MAPK4: variants seen among roughly 807,000 people sequenced by gnomAD.
MAPK4 encodes the protein mitogen-activated protein kinase 4.
In MAPK4, 22 loss-of-function variants were observed where a neutral mutation model predicts 47.7. The observed-to-expected ratio is 0.46, with a 90% CI of 0.33 to 0.66. MAPK4 has a LOEUF of 0.66. Ranked by LOEUF, MAPK4 falls within the 30% of genes least tolerant of loss-of-function variation. The pLI is 0.02. For missense variants in MAPK4, 736 were observed against 831.7 expected (o/e 0.88, Z 1.42); for synonymous variants, 390 against 365.7 (o/e 1.07, Z -0.76).
chr18:50,588,686 C>G (rs1003614617), intron 1 of MAPK4, among the ~76,000 whole-genome samples: 1 of 152,156 alleles, frequency 6.6e-6, no homozygotes, highest in Non-Finnish European at 1.5e-5. Flanking sequence ...TTCCAAGTAG[C>G]TGGGAATACA....
intron 1 of MAPK4, among the ~76,000 whole-genome samples, chr18:50,621,026 T>A (rs1314309519): frequency 6.6e-6 from 1 of 152,206 alleles, no homozygotes; most frequent in Non-Finnish European, 1.5e-5. Context: ...TGCTTAACTT[T>A]ATCGATCATT....
chr18:50,600,826 A>G (rs535831402), intron 1 of MAPK4, among the ~76,000 whole-genome samples: 1 of 152,182 alleles, frequency 6.6e-6, no homozygotes, highest in Admixed American at 6.5e-5. Context: ...AAAAATCACT[A>G]GTTCACTTTG....
chr18:50,578,790 A>G (rs952684262), intron 1 of MAPK4, among the ~76,000 whole-genome samples: 3 of 152,214 alleles, frequency 2.0e-5, no homozygotes, highest in African/African-American at 7.2e-5. Flanking sequence ...TGCTCCCATA[A>G]TGCTCTGTAG....
intron 1 of MAPK4, among the ~76,000 whole-genome samples, chr18:50,624,252 A>G (rs1339783544): frequency 1.3e-5 from 2 of 152,274 alleles, no homozygotes; most frequent in Non-Finnish European, 2.9e-5. Context: ...ATATATGAGT[A>G]TATGGGCTTT....
At chr18:50,560,931 C>T (rs926313817) in intron 1 of MAPK4, among the ~76,000 whole-genome samples, 1 of 152,250 alleles carries the variant, frequency 6.6e-6, no homozygotes, top group Non-Finnish European at 1.5e-5. Context: ...GGAAAGCAAT[C>T]GGAAGTCAGG....
chr18:50,705,680 G>C (rs896999357), intron 2 of MAPK4: 42 of 152,272 alleles, frequency 2.8e-4, no homozygotes, highest in African/African-American at 1.0e-3. Flanking sequence ...AGAGGTCGGG[G>C]ACAGAAAGGG....
intron 1 of MAPK4, among the ~76,000 whole-genome samples, chr18:50,576,240 C>T (rs1016840476): frequency 6.6e-6 from 1 of 152,152 alleles, no homozygotes; most frequent in East Asian, 1.9e-4. Context: ...TGGGATCAAC[C>T]TAAATGCCCA....
At chr18:50,728,803 A>C (rs535348440) in intron 5 of MAPK4, among the ~76,000 whole-genome samples, 1 of 152,216 alleles carries the variant, frequency 6.6e-6, no homozygotes, top group Non-Finnish European at 1.5e-5. Flanking sequence ...TCAGCTTTTG[A>C]GAAGCATTGC....
intron 2 of MAPK4, among the ~76,000 whole-genome samples, chr18:50,673,894 A>G (rs1171754462): frequency 6.6e-6 from 1 of 152,180 alleles, no homozygotes; most frequent in Non-Finnish European, 1.5e-5. Context: ...TTTTTTTTCA[A>G]TACTTCAAAA....
At chr18:50,687,304 C>A (rs137945250) in intron 2 of MAPK4, among the ~76,000 whole-genome samples, 1 of 152,144 alleles carries the variant, frequency 6.6e-6, no homozygotes, top group African/African-American at 2.4e-5. Context: ...GGATTACAGG[C>A]GTGAGCCACC....
At chr18:50,565,846 G>A (rs35983904) in intron 1 of MAPK4, among the ~76,000 whole-genome samples, 8,973 of 152,242 alleles carry the variant, frequency 0.059, 352 homozygotes, top group Non-Finnish European at 0.086. Context: ...GTTTGTGTAA[G>A]TATGCTCTAT....
At chr18:50,691,437 C>T (rs1909212243) in intron 2 of MAPK4, among the ~76,000 whole-genome samples, 1 of 152,138 alleles carries the variant, frequency 6.6e-6, no homozygotes, top group Non-Finnish European at 1.5e-5. Flanking sequence ...TAACTGGAGG[C>T]ACAAAGGAAG....
chr18:50,729,698 G>T lies in MAPK4; in HGVS notation c.1608G>T (p.Gln536His). 1 of 1,560,586 alleles carries T rather than the reference G, an allele frequency of 6.4e-7. No homozygotes were observed. The highest frequency in any genetic ancestry group is 8.7e-7 in the Non-Finnish European group (1 of 1,153,374). Residue 536 changes from glutamine to histidine, a missense_variant, in exon 6 of 6, where the codon CAG becomes CAT. By Grantham distance (24) the Gln-to-His change is conservative. Around this residue, in one of 3 missense-constraint regions of MAPK4, gnomAD observed 377 missense variants for 378.6 expected, o/e 1.00. Coordinates refer to ENST00000400384, the MANE Select transcript of MAPK4 (RefSeq NM_002747.4). The stretch of plus-strand genomic sequence containing the variant: ...CGGTGGACGGCGGCGCCAGCCCCCA[G>T]TTCGACCTGGACGTGTTCATCTCCC... ...PAPVDGGASP[Q>H]FDLDVFISRA...
At chr18:50,591,950 G>A (rs2042440010) in intron 1 of MAPK4, among the ~76,000 whole-genome samples, 1 of 152,086 alleles carries the variant, frequency 6.6e-6, no homozygotes, top group Admixed American at 6.5e-5. Context: ...GGACTAGTAT[G>A]GTCTCTGACT....
rs550901109 is a variant in MAPK4, at chr18:50,713,608, A to G, written c.547-1471A>G. On this transcript the variant is annotated intron_variant, in intron 2 of 5. Coordinates refer to ENST00000400384, the MANE Select transcript of MAPK4 (RefSeq NM_002747.4). ...CACAGCTGCTGCCCATGAGGGGCGC[A>G]CAGTCTAGTGGTCCTTGGAGGGGTG... Among the ~76,000 whole-genome samples the G allele has an allele frequency of 1.2e-4, 18 of 152,374 alleles. No individual in the cohort carries two copies. The South Asian group carries it at 1.7e-3, about 14-fold the overall frequency.
At chr18:50,588,882 G>T (rs954550637) in intron 1 of MAPK4, among the ~76,000 whole-genome samples, 3 of 152,142 alleles carry the variant, frequency 2.0e-5, no homozygotes, top group Non-Finnish European at 4.4e-5. Context: ...TAATGTGAGG[G>T]GAGATGTGAA....
chr18:50,627,973 G>A (rs1477246495), intron 1 of MAPK4, among the ~76,000 whole-genome samples: 1 of 152,156 alleles, frequency 6.6e-6, no homozygotes, highest in Admixed American at 6.5e-5. Context: ...TTCTTTCAAA[G>A]CAGAGGAAAC....
At chr18:50,706,555 C>T (rs772207515) in intron 2 of MAPK4, among the ~76,000 whole-genome samples, 3 of 151,972 alleles carry the variant, frequency 2.0e-5, no homozygotes, top group Non-Finnish European at 4.4e-5. Flanking sequence ...TGAAAGCCAG[C>T]GTGACAGATG....
intron 3 of MAPK4, among the ~76,000 whole-genome samples, chr18:50,717,019 C>A (rs1054121023): frequency 2.6e-5 from 4 of 152,322 alleles, no homozygotes; most frequent in Admixed American, 6.5e-5. Context: ...CCATCATCCC[C>A]CACACTGAGG....
Sources: allele counts gnomAD v4.1 joint callset (sites outside exome capture counted in the v4.1 genomes callset), GRCh38; gene constraint gnomAD v4.1.1; regional missense constraint gnomAD v4.1.1; transcripts MANE v1.5; gene names NCBI Gene and HGNC (gene_info 2026-07-23, HGNC 2026-07-21).